Variants in CD96 observed in about 807,000 individuals in gnomAD.
CD96 encodes the protein T-cell surface protein tactile.
CD96 carries 70 observed loss-of-function variants against 71.3 expected under a neutral mutation model. The observed-to-expected ratio is 0.98, with a 90% CI of 0.81 to 1.20. The LOEUF (loss-of-function observed/expected upper bound fraction) is 1.20, where lower values mean the gene tolerates loss of function less well. Among genes scored for constraint, CD96 ranks in the 50% most tolerant of loss-of-function variants. CD96 has a pLI of 0.00. For missense variants in CD96, 742 were observed against 677.5 expected (o/e 1.10, Z -1.06); for synonymous variants, 248 against 233.0 (o/e 1.06, Z -0.59).
chr3:111,624,250 G>A, intron 9 of CD96, 83 bp from the exon 10 acceptor site: 1 of 909,636 alleles, frequency 1.1e-6, no homozygotes, highest in Non-Finnish European at 1.8e-6. Flanking sequence ...AAGTCACATA[G>A]ATTAAAAATT....
chr3:111,627,326 A>C (rs1024526164), intron 10 of CD96, among the ~76,000 whole-genome samples: 4 of 152,226 alleles, frequency 2.6e-5, no homozygotes, highest in Admixed American at 2.6e-4. Flanking sequence ...TGGAAAGTCC[A>C]AACGGAACAG....
chr3:111,643,676 C>T (rs1217715983), intron 12 of CD96, among the ~76,000 whole-genome samples: 1 of 149,296 alleles, frequency 6.7e-6, no homozygotes, highest in African/African-American at 2.5e-5. Context: ...CTCATCTATA[C>T]ACCAACAGCA....
chr3:111,593,214 C>G, intron 5 of CD96: 1 of 201,036 alleles, frequency 5.0e-6, no homozygotes, highest in Non-Finnish European at 1.0e-5. Flanking sequence ...AAACCGAGTG[C>G]TAGGCAAAAA....
chr3:111,566,866 C>T, intron 2 of CD96, among the ~76,000 whole-genome samples: 1 of 152,014 alleles, frequency 6.6e-6, no homozygotes, highest in South Asian at 2.1e-4. Flanking sequence ...AATTTTAGGG[C>T]AGGAAAACTA....
downstream of CD96, among the ~76,000 whole-genome samples, chr3:111,654,249 G>A (rs770046452): frequency 2.6e-5 from 4 of 152,176 alleles, no homozygotes; most frequent in African/African-American, 4.8e-5. Context: ...AACACATAGT[G>A]AGAATTGGGG....
chr3:111,561,794 G>T (rs1188325137), intron 2 of CD96, among the ~76,000 whole-genome samples: 4 of 150,062 alleles, frequency 2.7e-5, no homozygotes, highest in African/African-American at 9.8e-5. Flanking sequence ...AATGGCGGGC[G>T]CCCCTCCCCC....
intron 10 of CD96, among the ~76,000 whole-genome samples, chr3:111,624,742 C>T (rs1938667296): frequency 6.7e-6 from 1 of 149,802 alleles, no homozygotes; most frequent in East Asian, 1.9e-4. Flanking sequence ...CTGAGCAATG[C>T]TATAACCAGT....
At chr3:111,664,051 C>T (rs750182785) in intron 14 of CD96, among the ~76,000 whole-genome samples, 1 of 152,118 alleles carries the variant, frequency 6.6e-6, no homozygotes, top group East Asian at 1.9e-4. Context: ...CGCCCAGCCG[C>T]TTATACACTT....
intron 2 of CD96, among the ~76,000 whole-genome samples, chr3:111,565,808 A>G (rs774096882): frequency 1.3e-5 from 2 of 151,804 alleles, no homozygotes; most frequent in African/African-American, 2.4e-5. Context: ...GCAAGAAAAT[A>G]TATAACCACT....
chr3:111,598,011 TA>T, intron 5 of CD96, 108 bp from the exon 6 acceptor site: 1 of 735,976 alleles, frequency 1.4e-6, no homozygotes, highest in East Asian at 2.5e-5. Context: ...TTTATTCAGT[TA>T]AAAATGGAGA....
chr3:111,558,915 T>C (rs970805754), intron 2 of CD96, among the ~76,000 whole-genome samples: 1 of 152,148 alleles, frequency 6.6e-6, no homozygotes, highest in African/African-American at 2.4e-5. Flanking sequence ...GAGATGCAAC[T>C]TCTTCCTGGT....
intron 2 of CD96, among the ~76,000 whole-genome samples, chr3:111,554,599 G>A (rs74675527): frequency 5.3e-5 from 8 of 151,776 alleles, no homozygotes; most frequent in East Asian, 1.9e-4. Context: ...TAAAGTACAC[G>A]TATATAATAA....
chr3:111,653,048 CAGG>C (rs1576439755), downstream of CD96, among the ~76,000 whole-genome samples: 1 of 152,116 alleles, frequency 6.6e-6, no homozygotes, highest in African/African-American at 2.4e-5. Flanking sequence ...CCACCTGCAC[CAGG>C]AGAACTCCTC....
intron 11 of CD96, among the ~76,000 whole-genome samples, chr3:111,637,782 A>G (rs1939400351): frequency 7.8e-6 from 1 of 128,510 alleles, no homozygotes; most frequent in Non-Finnish European, 1.6e-5. Context: ...TGTTGTTTGG[A>G]AGTATGGAGC....
intron 14 of CD96, among the ~76,000 whole-genome samples, chr3:111,660,247 A>G (rs1237092207): frequency 1.3e-5 from 2 of 152,178 alleles, no homozygotes; most frequent in Non-Finnish European, 2.9e-5. Context: ...TGAAATCAAG[A>G]ACACAAACCC....
At chr3:111,567,755 G>T in intron 3 of CD96, 108 bp downstream of exon 3, 1 of 1,019,532 alleles carries the variant, frequency 9.8e-7, no homozygotes. Flanking sequence ...TAACAGGCAG[G>T]CATTATGCCA....
At chr3:111,624,200 C>T in intron 9 of CD96, 133 bp from the exon 10 acceptor site, 2 of 719,938 alleles carry the variant, frequency 2.8e-6, no homozygotes, top group South Asian at 2.9e-5. Context: ...AGCTAGTGTT[C>T]CTGCATAGGG....
intron 7 of CD96, among the ~76,000 whole-genome samples, chr3:111,603,620 G>T (rs1937549116): frequency 1.3e-5 from 2 of 152,164 alleles, no homozygotes. Context: ...ACCCCCTGGG[G>T]TGGATAATAT....
At chr3:111,592,550 T>A (rs758132296) in intron 5 of CD96, among the ~76,000 whole-genome samples, 2 of 151,996 alleles carry the variant, frequency 1.3e-5, no homozygotes, top group Non-Finnish European at 2.9e-5. Context: ...TCCATTTTCA[T>A]GATAAATTTT....
Sources: gnomAD v4.1 joint callset for allele counts (sites outside exome capture counted in the v4.1 genomes callset) on GRCh38, gnomAD v4.1.1 for gene constraint, MANE v1.5 for transcripts, NCBI Gene and HGNC (gene_info 2026-07-23, HGNC 2026-07-21) for gene names.